SMYD3: variants seen among roughly 807,000 people sequenced by gnomAD.
The protein encoded by SMYD3 is histone-lysine N-methyltransferase SMYD3.
Under a neutral mutation model 57.7 loss-of-function variants are expected in SMYD3, and 36 were observed. The ratio of observed to expected loss-of-function variants is 0.62; its 90% confidence interval spans 0.48 to 0.82. SMYD3 has a LOEUF of 0.82. Ranked by LOEUF, SMYD3 falls within the 40% of genes least tolerant of loss-of-function variation. SMYD3 has a pLI of 0.00. For missense variants in SMYD3, 515 were observed against 538.8 expected, an observed-to-expected ratio of 0.96 and a Z score of 0.44; for synonymous variants, 211 against 195.0, an observed-to-expected ratio of 1.08 and a Z score of -0.68.
intron 8 of SMYD3, among the ~76,000 whole-genome samples, chr1:245,892,329 C>T (rs1174438935): frequency 1.3e-5 from 2 of 152,314 alleles, no homozygotes; most frequent in Admixed American, 6.5e-5. Flanking sequence ...CTACCATCTC[C>T]CAATCTATAC....
intron 5 of SMYD3, among the ~76,000 whole-genome samples, chr1:246,238,427 C>A (rs1342902371): frequency 6.6e-6 from 1 of 152,134 alleles, no homozygotes; most frequent in Non-Finnish European, 1.5e-5. Context: ...AAATTCTATT[C>A]CATAAATAGA....
intron 5 of SMYD3, among the ~76,000 whole-genome samples, chr1:246,232,017 A>AT (rs1417856079): frequency 6.6e-6 from 1 of 152,200 alleles, no homozygotes; most frequent in Non-Finnish European, 1.5e-5. Flanking sequence ...GAAGCGCAGC[A>AT]TTTATTCTCT....
At chr1:246,466,735 C>G (rs2067887362) in intron 1 of SMYD3, among the ~76,000 whole-genome samples, 2 of 152,166 alleles carry the variant, frequency 1.3e-5, no homozygotes, top group South Asian at 4.1e-4. Flanking sequence ...ATAGCCCCAG[C>G]TACTCAGGAG....
chr1:245,923,099 C>T (rs1050478777), intron 7 of SMYD3, among the ~76,000 whole-genome samples: 1 of 151,962 alleles, frequency 6.6e-6, no homozygotes, highest in Admixed American at 6.6e-5. Context: ...TATGGTTCAA[C>T]GAGTTGAGAA....
chr1:246,105,989 T>C (rs1039734642), intron 5 of SMYD3, among the ~76,000 whole-genome samples: 1 of 152,202 alleles, frequency 6.6e-6, no homozygotes, highest in African/African-American at 2.4e-5. Context: ...TGACAAACAT[T>C]ATGCAGTGAG....
intron 5 of SMYD3, among the ~76,000 whole-genome samples, chr1:245,961,911 C>T (rs1407156418): frequency 6.6e-6 from 1 of 152,136 alleles, no homozygotes; most frequent in African/African-American, 2.4e-5. Context: ...AGTTTTTTGA[C>T]TGAATAAACT....
Position 246,167,044 on chromosome 1 carries a change from G to C in SMYD3, c.531+160157C>G, listed in dbSNP as rs139163826. Among the ~76,000 whole-genome samples, 247 of 152,288 alleles carry C rather than the reference G, an allele frequency of 1.6e-3. 1 individual carries two copies. The highest frequency in any genetic ancestry group is 5.5e-3 in the African/African-American group (228 of 41,574). On this transcript the variant is annotated intron_variant, in intron 5 of 11. Coordinates refer to ENST00000490107, the MANE Select transcript of SMYD3 (RefSeq NM_001167740.2). ...CAAACGGAATCACAGAGCATGTGGC[G>C]TCTTGTGTCTGGCTCCCTTCATTAA...
At chr1:245,782,069 A>G (rs2046851911) in intron 10 of SMYD3, among the ~76,000 whole-genome samples, 1 of 152,142 alleles carries the variant, frequency 6.6e-6, no homozygotes, top group African/African-American at 2.4e-5. Context: ...CTCTCCTCTC[A>G]CAGTCTCTGA....
intron 5 of SMYD3, among the ~76,000 whole-genome samples, chr1:246,077,013 G>A (rs1303712410): frequency 6.6e-6 from 1 of 152,158 alleles, no homozygotes; most frequent in Non-Finnish European, 1.5e-5. Context: ...GCAGGATGAG[G>A]TTTTCAGAGG....
intron 8 of SMYD3, among the ~76,000 whole-genome samples, chr1:245,903,510 A>G (rs1301482126): frequency 6.6e-6 from 1 of 152,226 alleles, no homozygotes; most frequent in African/African-American, 2.4e-5. Context: ...AAACACCTTC[A>G]TGAGAACCAA....
intron 5 of SMYD3, among the ~76,000 whole-genome samples, chr1:246,127,004 G>A (rs2061519685): frequency 6.6e-6 from 1 of 152,094 alleles, no homozygotes; most frequent in African/African-American, 2.4e-5. Context: ...GAATCTAATA[G>A]GGTTAGTAAC....
At chr1:245,947,784 G>GA (rs2057474058) in intron 5 of SMYD3, among the ~76,000 whole-genome samples, 1 of 127,456 alleles carries the variant, frequency 7.8e-6, no homozygotes, top group African/African-American at 2.5e-5. Context: ...GTACCACTAA[G>GA]AAAAAACACT....
At chr1:246,172,365 C>T (rs186292045) in intron 5 of SMYD3, among the ~76,000 whole-genome samples, 283 of 150,098 alleles carry the variant, frequency 1.9e-3, no homozygotes, top group African/African-American at 6.8e-3. Context: ...ATCAACACTG[C>T]ACACTTAGGC....
intron 10 of SMYD3, among the ~76,000 whole-genome samples, chr1:245,784,920 G>T (rs985452407): frequency 2.0e-5 from 3 of 148,486 alleles, no homozygotes; most frequent in Admixed American, 6.8e-5. Flanking sequence ...CACAATTTTG[G>T]CTCACTGCAA....
At chr1:246,367,259 G>T (rs1040554914) in intron 1 of SMYD3, among the ~76,000 whole-genome samples, 5 of 152,134 alleles carry the variant, frequency 3.3e-5, no homozygotes, top group Non-Finnish European at 7.4e-5. Context: ...AAGTATATTT[G>T]CTAGACATGA....
intron 10 of SMYD3, among the ~76,000 whole-genome samples, chr1:245,852,639 C>T (rs1230419868): frequency 5.3e-5 from 8 of 152,264 alleles, no homozygotes; most frequent in Non-Finnish European, 1.2e-4. Flanking sequence ...TAGTCATTGT[C>T]ATATCTTCTT....
chr1:245,999,248 A>C (rs1353376694), intron 5 of SMYD3, among the ~76,000 whole-genome samples: 1 of 152,202 alleles, frequency 6.6e-6, no homozygotes, highest in African/African-American at 2.4e-5. Flanking sequence ...TAAGAGCTTA[A>C]GAAATAAAAG....
intron 5 of SMYD3, among the ~76,000 whole-genome samples, chr1:246,192,024 A>C (rs148631029): frequency 1.5e-3 from 228 of 152,350 alleles, no homozygotes; most frequent in African/African-American, 5.0e-3. Flanking sequence ...AAAATTAAGA[A>C]TCATACATTG....
chr1:246,068,808 G>A (rs905687458), intron 5 of SMYD3, among the ~76,000 whole-genome samples: 3 of 152,124 alleles, frequency 2.0e-5, no homozygotes, highest in African/African-American at 4.8e-5. Flanking sequence ...AGCCAGTTCC[G>A]CAGGCATAAC....
Sources: gnomAD v4.1 joint callset for allele counts (sites outside exome capture counted in the v4.1 genomes callset) on GRCh38, gnomAD v4.1.1 for gene constraint, MANE v1.5 for transcripts, NCBI Gene and HGNC (gene_info 2026-07-23, HGNC 2026-07-21) for gene names.